MB21D2: variants seen among roughly 807,000 people sequenced by gnomAD.
MB21D2 encodes Mab-21 domain containing 2.
A neutral mutation model predicts 33.3 loss-of-function variants in MB21D2; 9 were observed. The ratio of observed to expected loss-of-function variants is 0.27; its 90% CI spans 0.16 to 0.47. The LOEUF (loss-of-function observed/expected upper bound fraction) is 0.47. MB21D2 is among the 20% of genes least tolerant of loss of function. The probability of loss-of-function intolerance (pLI) is 0.99; values close to 1 mark genes in which losing one functional copy is unlikely to be tolerated. For synonymous variants in MB21D2, 241 were observed against 236.3 expected, an observed-to-expected ratio of 1.02 and a Z score of -0.18; for missense variants, 540 against 624.6, an observed-to-expected ratio of 0.86 and a Z score of 1.44.
At chr3:192,825,757 C>T (rs1712162468) in intron 1 of MB21D2, among the ~76,000 whole-genome samples, 1 of 152,182 alleles carries the variant, frequency 6.6e-6, no homozygotes, top group Admixed American at 6.5e-5. Flanking sequence ...TTTCAATGCT[C>T]ATTAGCACCT....
intron 1 of MB21D2, among the ~76,000 whole-genome samples, chr3:192,911,493 A>G (rs548042292): frequency 6.6e-6 from 1 of 152,216 alleles, no homozygotes; most frequent in African/African-American, 2.4e-5. Flanking sequence ...AGAATGCAGA[A>G]CATCAAGCCT....
At chr3:192,910,143 G>T (rs930429586) in intron 1 of MB21D2, among the ~76,000 whole-genome samples, 1 of 151,370 alleles carries the variant, frequency 6.6e-6, no homozygotes, top group African/African-American at 2.4e-5. Context: ...GGTCACCAAT[G>T]TGAGAATTCA....
chr3:192,879,990 A>T (rs1713524747), intron 1 of MB21D2, among the ~76,000 whole-genome samples: 1 of 152,032 alleles, frequency 6.6e-6, no homozygotes, highest in African/African-American at 2.4e-5. Context: ...TCCCAGGACT[A>T]CTCCAGCAAG....
intron 1 of MB21D2, among the ~76,000 whole-genome samples, chr3:192,908,399 CTTTTT>C (rs201114331): frequency 7.3e-6 from 1 of 137,878 alleles, no homozygotes; most frequent in African/African-American, 2.6e-5. Flanking sequence ...AAATTTTCTT[CTTTTT>C]TTTTTTTTTT....
chr3:192,811,021 C>T (rs1295003782), intron 1 of MB21D2, among the ~76,000 whole-genome samples: 2 of 152,146 alleles, frequency 1.3e-5, no homozygotes, highest in Admixed American at 1.3e-4. Flanking sequence ...TCCTCAAGTG[C>T]CAGTGACTCT....
chr3:192,881,494 C>A (rs111546138), intron 1 of MB21D2, among the ~76,000 whole-genome samples: 1,824 of 152,254 alleles, frequency 0.012, 57 homozygotes, highest in African/African-American at 0.042. Context: ...TTAACTGACA[C>A]ACACACAAAA....
At chr3:192,837,430 G>C (rs1712465087) in intron 1 of MB21D2, among the ~76,000 whole-genome samples, 1 of 152,112 alleles carries the variant, frequency 6.6e-6, no homozygotes, top group African/African-American at 2.4e-5. Context: ...TCCCACCTGG[G>C]CTTCCCACCA....
chr3:192,916,770 A>T (rs1390264796), intron 1 of MB21D2, among the ~76,000 whole-genome samples: 2 of 152,176 alleles, frequency 1.3e-5, no homozygotes, highest in African/African-American at 4.8e-5. Flanking sequence ...CAGGAGCCGT[A>T]GGTGAGGGGC....
At chr3:192,897,731 C>T (rs1386131705) in intron 1 of MB21D2, among the ~76,000 whole-genome samples, 2 of 152,156 alleles carry the variant, frequency 1.3e-5, no homozygotes, top group African/African-American at 4.8e-5. Flanking sequence ...GTGGCTCACA[C>T]CTGTAAACCC....
intron 1 of MB21D2, among the ~76,000 whole-genome samples, chr3:192,819,744 T>A (rs571318395): frequency 6.6e-6 from 1 of 152,300 alleles, no homozygotes; most frequent in African/African-American, 2.4e-5. Context: ...TCTCTAATCA[T>A]TCCAAAGCTG....
chr3:192,838,207 A>G (rs542174004), intron 1 of MB21D2, among the ~76,000 whole-genome samples: 78 of 152,322 alleles, frequency 5.1e-4, no homozygotes, highest in Non-Finnish European at 9.1e-4. Context: ...GGGCATCTAT[A>G]TAAGACATCT....
chr3:192,871,521 G>C (rs376204039), intron 1 of MB21D2, among the ~76,000 whole-genome samples: 1 of 152,170 alleles, frequency 6.6e-6, no homozygotes, highest in African/African-American at 2.4e-5. Context: ...GTATAACAAC[G>C]AATAGACATT....
At chr3:192,867,210 C>T (rs1713189621) in intron 1 of MB21D2, among the ~76,000 whole-genome samples, 1 of 152,016 alleles carries the variant, frequency 6.6e-6, no homozygotes, top group South Asian at 2.1e-4. Flanking sequence ...CCCTTGTACC[C>T]CGACCTCCAC....
At chr3:192,829,394 G>A (rs749625057) in intron 1 of MB21D2, among the ~76,000 whole-genome samples, 3 of 152,172 alleles carry the variant, frequency 2.0e-5, no homozygotes, top group Non-Finnish European at 4.4e-5. Context: ...CTGGAAGTGC[G>A]ATCGCCGTTC....
chr3:192,904,634 T>C (rs995495472), intron 1 of MB21D2, among the ~76,000 whole-genome samples: 6 of 152,100 alleles, frequency 3.9e-5, no homozygotes, highest in Non-Finnish European at 8.8e-5. Flanking sequence ...AGTCAGAAAC[T>C]GTGGAAGTGG....
At chr3:192,914,596 GCA>G (rs1287170289) in intron 1 of MB21D2, among the ~76,000 whole-genome samples, 5 of 152,198 alleles carry the variant, frequency 3.3e-5, no homozygotes, top group South Asian at 2.1e-4. Flanking sequence ...CCAGCCTTTC[GCA>G]CAGTCTGGGC....
intron 1 of MB21D2, among the ~76,000 whole-genome samples, chr3:192,860,117 AGCCAATGAAT>A (rs1172097382): frequency 1.3e-5 from 2 of 152,214 alleles, no homozygotes; most frequent in Non-Finnish European, 2.9e-5. Context: ...GATTCCTGAA[AGCCAATGAAT>A]GTAGGACAGG....
chr3:192,827,526 T>C (rs1051773907), intron 1 of MB21D2, among the ~76,000 whole-genome samples: 1 of 152,156 alleles, frequency 6.6e-6, no homozygotes, highest in African/African-American at 2.4e-5. Context: ...CAGCTTCTTA[T>C]TTAAACCTCA....
At chr3:192,857,558 G>A (rs948903502) in intron 1 of MB21D2, among the ~76,000 whole-genome samples, 6 of 152,092 alleles carry the variant, frequency 3.9e-5, no homozygotes, top group East Asian at 3.9e-4. Flanking sequence ...GCATCTTGCC[G>A]AACTTCTGGA....
Sources: allele counts gnomAD v4.1 joint callset (sites outside exome capture counted in the v4.1 genomes callset), GRCh38; gene constraint gnomAD v4.1.1; transcripts MANE v1.5; gene names NCBI Gene and HGNC (gene_info 2026-07-23, HGNC 2026-07-21).